The following SLC17A5 variants were observed in gnomAD, a reference collection of about 807,000 sequenced individuals.
SLC17A5 encodes the protein sialin.
A neutral mutation model predicts 59.4 loss-of-function variants in SLC17A5; 47 were observed. The ratio of observed to expected loss-of-function variants is 0.79; its 90% CI spans 0.63 to 1.01. The LOEUF is 1.01. SLC17A5 is among the 50% of genes least tolerant of loss of function. The pLI is 0.00. For synonymous variants in SLC17A5, 202 were observed against 210.7 expected (o/e 0.96, Z 0.36); for missense variants, 522 against 595.5 (o/e 0.88, Z 1.28).
chr6:73,624,642 G>A (rs773445511), intron 6 of SLC17A5, among the ~76,000 whole-genome samples: 1 of 152,046 alleles, frequency 6.6e-6, no homozygotes, highest in Non-Finnish European at 1.5e-5. Flanking sequence ...TTGGGAGGCC[G>A]AGGCAGGCGG....
intron 7 of SLC17A5, among the ~76,000 whole-genome samples, chr6:73,617,606 G>A (rs762749985): frequency 6.6e-5 from 10 of 152,246 alleles, no homozygotes; most frequent in Non-Finnish European, 1.5e-4. Context: ...CACTTTGGGA[G>A]GCCAAGGCAG....
chr6:73,648,091 G>T (rs1769671351), intron 1 of SLC17A5, among the ~76,000 whole-genome samples: 1 of 151,896 alleles, frequency 6.6e-6, no homozygotes, highest in South Asian at 2.1e-4. Context: ...AAAATAAAAA[G>T]CCAACTCAGG....
chr6:73,612,461 G>A (rs939918012), intron 8 of SLC17A5, among the ~76,000 whole-genome samples: 1 of 152,008 alleles, frequency 6.6e-6, no homozygotes, highest in African/African-American at 2.4e-5. Context: ...GCCCAGCCAG[G>A]GTCTTTTTAT....
chr6:73,594,143 T>G lies in SLC17A5; in HGVS notation c.*934A>C, dbSNP rs2150070255. 1 of 152,078 alleles carries G rather than the reference T, an allele frequency of 6.6e-6. No individual in the cohort carries two copies. Among genetic ancestry groups the G allele is most frequent in the Admixed American group, 6.6e-5 (1 of 15,240 alleles). The allele number at this position is 152,078 out of a possible 1,614,324, so 9.4% of individuals were successfully genotyped here. ...AAGTGATTCTCCTACCTCAGCCTCC[T>G]GAGTATCTGGGATTACAGGCGCCCG... On this transcript the variant is annotated 3_prime_UTR_variant, in exon 11 of 11. Coordinates refer to ENST00000355773, the MANE Select transcript of SLC17A5 (RefSeq NM_012434.5).
intron 4 of SLC17A5, among the ~76,000 whole-genome samples, chr6:73,637,245 T>C (rs1769058428): frequency 1.3e-5 from 2 of 152,068 alleles, no homozygotes; most frequent in African/African-American, 4.8e-5. Context: ...GCTGGAAAAA[T>C]AGGTTGGACA....
At chr6:73,618,433 T>C in intron 7 of SLC17A5, 1 of 360,128 alleles carries the variant, frequency 2.8e-6, no homozygotes, top group Non-Finnish European at 5.1e-6. Context: ...CACTAATTCC[T>C]ACTTCATGGA....
At chr6:73,606,908 C>T (rs999472269) in intron 9 of SLC17A5, among the ~76,000 whole-genome samples, 1 of 152,218 alleles carries the variant, frequency 6.6e-6, no homozygotes, top group African/African-American at 2.4e-5. Context: ...CCTGACATAT[C>T]AAATCTACTA....
At position 73,644,467 on chromosome 6, in the gene SLC17A5, A is replaced by G; in HGVS notation, c.231T>C (p.Asn77=). Residue 77 remains asparagine (N), a synonymous_variant, in exon 2 of 11, where the codon AAT becomes AAC. Transcript: ENST00000355773. ...GCTCTGGACACGCCTTGGAAGTTCT[A>G]TTATCTTCTAAAGTTGTATTTGAAT... The part of the protein sequence containing the change: ...MVDSNTTLED[N]RTSKACPEHS... The G allele has an allele frequency of 6.2e-7, 1 of 1,614,040 alleles. No homozygotes were observed. The highest frequency in any genetic ancestry group is 1.1e-5 in the South Asian group (1 of 91,072).
At chr6:73,615,535 G>A in intron 7 of SLC17A5, 88 bp from the exon 8 acceptor site, 2 of 1,249,912 alleles carry the variant, frequency 1.6e-6, no homozygotes, top group Non-Finnish European at 2.3e-6. Context: ...ACCACCACTT[G>A]AAAGCAAAGG....
At chr6:73,631,750 T>C (rs939629536) in intron 6 of SLC17A5, among the ~76,000 whole-genome samples, 1 of 151,860 alleles carries the variant, frequency 6.6e-6, no homozygotes, top group Admixed American at 6.5e-5. Flanking sequence ...CAGGCTATAT[T>C]GTATTGAAAT....
At chr6:73,618,364 C>G (rs1420289903) in intron 7 of SLC17A5, 2 of 275,858 alleles carry the variant, frequency 7.3e-6, no homozygotes, top group East Asian at 1.3e-4. Context: ...AAAAAATTTC[C>G]TTCATCCCTC....
chr6:73,638,664 T>C (rs1321519085), intron 3 of SLC17A5, among the ~76,000 whole-genome samples, 165 bp from the exon 4 acceptor site: 1 of 152,204 alleles, frequency 6.6e-6, no homozygotes, highest in Non-Finnish European at 1.5e-5. Context: ...AAATATCTTA[T>C]AATGAAGTAC....
At chr6:73,639,085 TG>T (rs1466240883) in intron 3 of SLC17A5, among the ~76,000 whole-genome samples, 2 of 152,180 alleles carry the variant, frequency 1.3e-5, no homozygotes, top group Non-Finnish European at 2.9e-5. Context: ...AAAAAAAGGA[TG>T]AATTCAATTA....
chr6:73,609,162 T>C (rs1314727500), intron 9 of SLC17A5, among the ~76,000 whole-genome samples: 1 of 152,224 alleles, frequency 6.6e-6, no homozygotes, highest in Non-Finnish European at 1.5e-5. Context: ...ATATCTATTA[T>C]TTTTACAAAT....
At chr6:73,611,125 T>G (rs1271226881) in intron 8 of SLC17A5, among the ~76,000 whole-genome samples, 1 of 152,208 alleles carries the variant, frequency 6.6e-6, no homozygotes, top group African/African-American at 2.4e-5. Context: ...TGCACACCTG[T>G]AGTCCTGGCT....
chr6:73,603,142 AT>A (rs74916771), intron 9 of SLC17A5, among the ~76,000 whole-genome samples: 91 of 148,380 alleles, frequency 6.1e-4, no homozygotes, highest in South Asian at 2.3e-3. Flanking sequence ...CATTAATTAC[AT>A]TTTTTTTTTT....
At chr6:73,629,832 T>A (rs1048897212) in intron 6 of SLC17A5, among the ~76,000 whole-genome samples, 1 of 152,026 alleles carries the variant, frequency 6.6e-6, no homozygotes, top group Admixed American at 6.6e-5. Flanking sequence ...AGCAGATATA[T>A]AGGAAAGAAC....
chr6:73,609,022 G>A (rs1767522828), intron 9 of SLC17A5, among the ~76,000 whole-genome samples: 2 of 152,096 alleles, frequency 1.3e-5, no homozygotes, highest in Admixed American at 1.3e-4. Flanking sequence ...TTATCTTAGA[G>A]TATTTATTGA....
intron 8 of SLC17A5, among the ~76,000 whole-genome samples, chr6:73,612,995 G>A (rs1279640904): frequency 6.6e-6 from 1 of 151,938 alleles, no homozygotes; most frequent in East Asian, 1.9e-4. Flanking sequence ...TGAGGCTGCA[G>A]TGAGCCATGG....
Sources: allele counts gnomAD v4.1 joint callset (sites outside exome capture counted in the v4.1 genomes callset), GRCh38; gene constraint gnomAD v4.1.1; transcripts MANE v1.5; gene names NCBI Gene and HGNC (gene_info 2026-07-23, HGNC 2026-07-21).